CACNA1A: variants seen among roughly 807,000 people sequenced by gnomAD.
CACNA1A encodes calcium voltage-gated channel subunit alpha1 A.
In CACNA1A, 57 loss-of-function variants were observed where a neutral mutation model predicts 262.4. The observed-to-expected ratio is 0.22, with a 90% CI of 0.18 to 0.27. CACNA1A has a LOEUF of 0.27. Among genes scored for constraint, CACNA1A ranks in the 10% least tolerant of loss-of-function variants. CACNA1A has a pLI of 1.00. For missense variants in CACNA1A, 2,526 were observed against 3,562.8 expected (o/e 0.71, Z 7.41); for synonymous variants, 1,431 against 1,419.3 (o/e 1.01, Z -0.18).
intron 24 of CACNA1A, chr19:13,275,645 G>A (rs1015470640): frequency 5.5e-6 from 3 of 541,982 alleles, no homozygotes; most frequent in Non-Finnish European, 9.7e-6. Flanking sequence ...TTGGCAGGAG[G>A]GGGGGTCCCT....
rs979518321 is a variant in CACNA1A at position 13,234,860 on chromosome 19, G to A, written c.5249+61C>T. Reference sequence around the variant, plus strand: ...GGGTACATCCTCTATGGGAACAGAAGGATGAAGGCAGGCACCCCACCCCAC... The same window carrying A: ...GGGTACATCCTCTATGGGAACAGAAAGATGAAGGCAGGCACCCCACCCCAC... On this transcript the variant is annotated intron_variant, in intron 34 of 46. Coordinates refer to ENST00000360228, the MANE Select transcript of CACNA1A (RefSeq NM_001127222.2). The A allele has an allele frequency of 5.4e-6, 6 of 1,116,274 alleles. No individual in the cohort carries two copies. In the Admixed American group the frequency reaches 1.0e-4, roughly 19 times the overall value. 69.1% of individuals were successfully genotyped at this position (1,116,274 alleles called of 1,614,324 possible). A position where few individuals can be genotyped will look rare whatever the true frequency, so the allele number is the denominator to read the frequency against.
intron 1 of CACNA1A, among the ~76,000 whole-genome samples, chr19:13,482,815 T>C (rs1306457330): frequency 6.6e-6 from 1 of 151,852 alleles, no homozygotes; most frequent in Non-Finnish European, 1.5e-5. Context: ...ATGCTCCCTC[T>C]CTCTCTTTCT....
chr19:13,282,037 C>G (rs577329442), intron 22 of CACNA1A, among the ~76,000 whole-genome samples: 2 of 152,346 alleles, frequency 1.3e-5, no homozygotes, highest in African/African-American at 4.8e-5. Context: ...CCTGGAGGCC[C>G]CTGGGGGAAA....
chr19:13,484,595 T>C (rs1979755539), intron 1 of CACNA1A, among the ~76,000 whole-genome samples: 1 of 152,210 alleles, frequency 6.6e-6, no homozygotes, highest in South Asian at 2.1e-4. Flanking sequence ...TCCTAATTGG[T>C]CTCATGGCTT....
intron 1 of CACNA1A, among the ~76,000 whole-genome samples, chr19:13,455,793 C>T (rs956512396): frequency 6.7e-6 from 1 of 148,188 alleles, no homozygotes; most frequent in Non-Finnish European, 1.5e-5. Context: ...TTGCTTGAGC[C>T]GAGGAGGTAG....
chr19:13,389,410 G>A (rs974248789), intron 3 of CACNA1A, among the ~76,000 whole-genome samples: 3 of 152,028 alleles, frequency 2.0e-5, no homozygotes, highest in African/African-American at 7.3e-5. Flanking sequence ...TGGTAAGAAT[G>A]TCCCTGGGAT....
chr19:13,267,500 C>T (rs945254387), intron 24 of CACNA1A, among the ~76,000 whole-genome samples: 10 of 152,144 alleles, frequency 6.6e-5, no homozygotes, highest in African/African-American at 2.2e-4. Context: ...GAATTCACCA[C>T]GGAAAGTCAC....
chr19:13,465,027 C>T lies in CACNA1A; in HGVS notation c.294-9815G>A, dbSNP rs149896155. 6.9e-3 allele frequency among the ~76,000 whole-genome samples: 1,053 copies of T among 152,122 alleles called. 6 individuals are homozygous for T. The highest frequency in any genetic ancestry group is 9.0e-3 in the Non-Finnish European group (610 of 68,000). ...GACTGCAGCCTCCACCTCCTGGGTGCGAGCAATTCTCCTGCCTCAGCCTCC... is the reference window on the plus strand; with the variant it reads ...GACTGCAGCCTCCACCTCCTGGGTGTGAGCAATTCTCCTGCCTCAGCCTCC... On this transcript the variant is annotated intron_variant, in intron 1 of 46. Coordinates refer to ENST00000360228, the MANE Select transcript of CACNA1A (RefSeq NM_001127222.2).
chr19:13,221,663 C>T (rs530687556), intron 38 of CACNA1A, among the ~76,000 whole-genome samples: 32 of 152,268 alleles, frequency 2.1e-4, no homozygotes, highest in Non-Finnish European at 2.5e-4. Context: ...GCCAAAGCTG[C>T]ACTGGTCAAA....
intron 3 of CACNA1A, among the ~76,000 whole-genome samples, chr19:13,389,903 C>T (rs564036240): frequency 6.6e-6 from 1 of 152,278 alleles, no homozygotes; most frequent in East Asian, 1.9e-4. Context: ...ACCTCTGCTT[C>T]CCAGGTTCAA....
intron 1 of CACNA1A, among the ~76,000 whole-genome samples, chr19:13,481,024 T>G (rs975472688): frequency 1.3e-5 from 2 of 152,192 alleles, no homozygotes; most frequent in Non-Finnish European, 2.9e-5. Flanking sequence ...AGACCTCAGA[T>G]AGTGAGTCTC....
rs540032886 is a variant in CACNA1A at position 13,369,211 on chromosome 19, T to G, written c.631+2477A>C. Reference sequence around the variant, plus strand: ...TGCTAATGCCTCCCAGCTGCCTCTCTTCTTAGTAGAATTGCCCTTGGTGAT... The same window carrying G: ...TGCTAATGCCTCCCAGCTGCCTCTCGTCTTAGTAGAATTGCCCTTGGTGAT... On this transcript the variant is annotated intron_variant, in intron 4 of 46. Coordinates refer to ENST00000360228, the MANE Select transcript of CACNA1A (RefSeq NM_001127222.2). Among the ~76,000 whole-genome samples the G allele has an allele frequency of 1.3e-4, 20 of 152,272 alleles. No individual in the cohort carries two copies. The South Asian group carries it at 3.5e-3, about 27-fold the overall frequency.
chr19:13,475,227 C>G (rs1978381660), intron 1 of CACNA1A, among the ~76,000 whole-genome samples: 1 of 152,134 alleles, frequency 6.6e-6, no homozygotes, highest in South Asian at 2.1e-4. Flanking sequence ...ATACAGTCAG[C>G]CTAGTCTATG....
chr19:13,272,955 A>G (rs1484651339), intron 24 of CACNA1A: 1 of 152,146 alleles, frequency 6.6e-6, no homozygotes, highest in Admixed American at 6.6e-5. Context: ...AGTATATTTT[A>G]TTATAATACA....
intron 22 of CACNA1A, among the ~76,000 whole-genome samples, chr19:13,281,707 G>A (rs576663271): frequency 2.0e-5 from 3 of 152,202 alleles, no homozygotes; most frequent in Non-Finnish European, 4.4e-5. Context: ...CACATGCCGC[G>A]TGGGGCGTTT....
chr19:13,294,487 C>CTTTTTTTT (rs780908964), intron 19 of CACNA1A, among the ~76,000 whole-genome samples: 6 of 72,526 alleles, frequency 8.3e-5, no homozygotes, highest in East Asian at 5.0e-4. Context: ...CTGTACCTGG[C>CTTTTTTTT]TTTTTTTTTT....
At chr19:13,476,946 C>A (rs571557715) in intron 1 of CACNA1A, among the ~76,000 whole-genome samples, 1 of 152,088 alleles carries the variant, frequency 6.6e-6, no homozygotes, top group Non-Finnish European at 1.5e-5. Context: ...AGTCAGGTCA[C>A]GTCCCTCCTC....
intron 6 of CACNA1A, among the ~76,000 whole-genome samples, chr19:13,358,682 T>C (rs2059049864): frequency 6.6e-6 from 1 of 152,212 alleles, no homozygotes. Context: ...GGGGCAGGGA[T>C]ACATCTTTCC....
intron 15 of CACNA1A, 137 bp downstream of exon 15, chr19:13,307,644 TA>T (rs1298518234): frequency 7.4e-6 from 5 of 673,722 alleles, no homozygotes; most frequent in Non-Finnish European, 1.3e-5. Flanking sequence ...ATGATAACCA[TA>T]AAATCTGTGT....
Sources: allele counts gnomAD v4.1 joint callset (sites outside exome capture counted in the v4.1 genomes callset), GRCh38; gene constraint gnomAD v4.1.1; transcripts MANE v1.5; gene names NCBI Gene and HGNC (gene_info 2026-07-23, HGNC 2026-07-21).